Variants in CDH9 observed in about 807,000 individuals in gnomAD.
CDH9 encodes the protein cadherin-9.
A neutral mutation model predicts 70.9 loss-of-function variants in CDH9; 28 were observed. The observed-to-expected ratio is 0.40, with a 90% CI of 0.29 to 0.54. The LOEUF is 0.54. CDH9 is among the 20% of genes least tolerant of loss of function. The pLI is 0.59. For missense variants in CDH9, 874 were observed against 984.4 expected, an observed-to-expected ratio of 0.89 and a Z score of 1.50; for synonymous variants, 409 against 343.1, an observed-to-expected ratio of 1.19 and a Z score of -2.12.
chr5:26,915,881 A>G lies in CDH9; in HGVS notation c.272T>C (p.Ile91Thr), dbSNP rs1326621458. The G allele has an allele frequency of 2.5e-6, 4 of 1,611,720 alleles. No homozygotes were observed. The highest frequency in any genetic ancestry group is 3.4e-6 in the Non-Finnish European group (4 of 1,178,184). Reference protein sequence around the residue: ...QDKGDGNLKYILTGDGAGSLF... With the variant: ...QDKGDGNLKYTLTGDGAGSLF... ...ACTGCCAGCCCCATCTCCTGTTAGTATGTATTTTAAATTTCCATCTCCTTT... is the reference window on the plus strand; with the variant it reads ...ACTGCCAGCCCCATCTCCTGTTAGTGTGTATTTTAAATTTCCATCTCCTTT... The change falls in exon 3 of 12, where the codon ATA (isoleucine) becomes ACA (threonine). Residue 91 changes from isoleucine to threonine, a missense_variant. By Grantham distance (89) the Ile-to-Thr change is moderately conservative (BLOSUM62 -1). Coordinates refer to ENST00000231021, the MANE Select transcript of CDH9 (RefSeq NM_016279.4).
intron 1 of CDH9, among the ~76,000 whole-genome samples, chr5:26,993,695 C>T: frequency 1.8e-5 from 1 of 56,052 alleles, no homozygotes; most frequent in African/African-American, 1.5e-4. Context: ...AGCTATTCAG[C>T]TGCAAAAAAA....
intron 2 of CDH9, among the ~76,000 whole-genome samples, chr5:26,920,348 T>C (rs982000535): frequency 7.9e-5 from 12 of 151,964 alleles, no homozygotes; most frequent in Non-Finnish European, 1.5e-4. Flanking sequence ...AGCTTTAGTA[T>C]AGTAGAGAAC....
At chr5:27,028,701 G>A (rs1025848699) in intron 1 of CDH9, among the ~76,000 whole-genome samples, 2 of 151,760 alleles carry the variant, frequency 1.3e-5, no homozygotes, top group Non-Finnish European at 2.9e-5. Flanking sequence ...ACATTTTTAG[G>A]TACTGGTTTA....
chr5:26,886,302 C>T (rs554587900), intron 9 of CDH9, among the ~76,000 whole-genome samples: 2 of 152,094 alleles, frequency 1.3e-5, no homozygotes, highest in Non-Finnish European at 2.9e-5. Context: ...ATCCATTAAG[C>T]AATGGTTTGC....
chr5:26,944,987 G>T (rs560465253), intron 2 of CDH9, among the ~76,000 whole-genome samples: 1 of 152,244 alleles, frequency 6.6e-6, no homozygotes, highest in Non-Finnish European at 1.5e-5. Context: ...ATCCAGGAGG[G>T]TTGGATGTTG....
intron 9 of CDH9, among the ~76,000 whole-genome samples, chr5:26,889,228 A>AT (rs34707351): frequency 5.3e-5 from 8 of 151,768 alleles, no homozygotes; most frequent in Non-Finnish European, 7.4e-5. Context: ...AAAATACTAC[A>AT]TTTTTTTGTC....
intron 6 of CDH9, chr5:26,902,931 A>C (rs889212813): frequency 2.0e-6 from 1 of 494,870 alleles, no homozygotes; most frequent in African/African-American, 1.9e-5. Flanking sequence ...ACTTAATATA[A>C]TGGCATACAC....
At chr5:26,908,072 CT>C (rs551719575) in intron 3 of CDH9, among the ~76,000 whole-genome samples, 1 of 152,222 alleles carries the variant, frequency 6.6e-6, no homozygotes, top group South Asian at 2.1e-4. Context: ...TTGAGCAAGG[CT>C]TTTTAATGTT....
chr5:27,029,885 G>A (rs1211835735), intron 1 of CDH9, among the ~76,000 whole-genome samples: 2 of 151,898 alleles, frequency 1.3e-5, no homozygotes, highest in Admixed American at 1.3e-4. Context: ...GCTATGACAT[G>A]GAAGTGAGAC....
intron 1 of CDH9, among the ~76,000 whole-genome samples, chr5:27,014,034 T>C (rs538149541): frequency 1.3e-5 from 2 of 152,070 alleles, no homozygotes; most frequent in South Asian, 2.1e-4. Flanking sequence ...TAACAGAATA[T>C]CATCATCAGC....
At chr5:27,025,649 T>A (rs1027281035) in intron 1 of CDH9, among the ~76,000 whole-genome samples, 5 of 152,018 alleles carry the variant, frequency 3.3e-5, no homozygotes, top group African/African-American at 4.8e-5. Flanking sequence ...AGGTTCCTTC[T>A]TTTGGAAACT....
chr5:27,031,333 A>C (rs952879129), intron 1 of CDH9, among the ~76,000 whole-genome samples: 14 of 151,896 alleles, frequency 9.2e-5, no homozygotes, highest in Non-Finnish European at 1.9e-4. Flanking sequence ...ATAGAACAAA[A>C]TATTATTTTT....
In CDH9 at chr5:26,911,010, G is replaced by A. The variant is rs559972671; in HGVS notation, c.524-4172C>T. ...TGTCCAGGAATTTAAATCATGCTTT[G>A]TTAGATATAAGTTTATTTTACTGTG... On this transcript the variant is annotated intron_variant, in intron 3 of 11. Coordinates refer to ENST00000231021, the MANE Select transcript of CDH9 (RefSeq NM_016279.4). Among the ~76,000 whole-genome samples the A allele has an allele frequency of 7.9e-5, 12 of 152,254 alleles. No individual in the cohort carries two copies. The South Asian group carries it at 1.2e-3, about 16-fold the overall frequency.
At chr5:27,036,511 T>A (rs1743394641) in intron 1 of CDH9, among the ~76,000 whole-genome samples, 1 of 151,940 alleles carries the variant, frequency 6.6e-6, no homozygotes, top group African/African-American at 2.4e-5. Context: ...CCATTTCAAA[T>A]ATTTTAAAAC....
intron 1 of CDH9, among the ~76,000 whole-genome samples, chr5:27,019,276 T>A (rs1561042777): frequency 6.6e-6 from 1 of 152,050 alleles, no homozygotes; most frequent in Non-Finnish European, 1.5e-5. Flanking sequence ...GATGCAGATA[T>A]TAATAAAGTT....
chr5:26,882,626 A>G (rs551522708), intron 11 of CDH9, among the ~76,000 whole-genome samples: 1 of 152,192 alleles, frequency 6.6e-6, no homozygotes, highest in African/African-American at 2.4e-5. Flanking sequence ...AGCTTTACAT[A>G]TAAGAAAGGT....
At chr5:27,008,168 C>T (rs550016442) in intron 1 of CDH9, among the ~76,000 whole-genome samples, 227 of 152,110 alleles carry the variant, frequency 1.5e-3, no homozygotes, top group African/African-American at 5.2e-3. Flanking sequence ...GAATCATGAG[C>T]TGACCTTACA....
intron 1 of CDH9, among the ~76,000 whole-genome samples, chr5:27,024,230 T>C (rs773902810): frequency 3.5e-4 from 53 of 152,046 alleles, no homozygotes; most frequent in Non-Finnish European, 6.6e-4. Context: ...ATAGAGATTT[T>C]TATTCTCTGT....
chr5:26,997,428 T>G (rs1029437753), intron 1 of CDH9, among the ~76,000 whole-genome samples: 2 of 152,134 alleles, frequency 1.3e-5, no homozygotes, highest in African/African-American at 4.8e-5. Context: ...ATCTTGGAGA[T>G]GGCCAAGATA....
Sources: allele counts gnomAD v4.1 joint callset (sites outside exome capture counted in the v4.1 genomes callset), GRCh38; gene constraint gnomAD v4.1.1; transcripts MANE v1.5; gene names NCBI Gene and HGNC (gene_info 2026-07-23, HGNC 2026-07-21).